Variants in CAST observed in about 807,000 individuals in gnomAD.
CAST encodes MIR583 host.
A neutral mutation model predicts 119.6 loss-of-function variants in CAST; 76 were observed. That is an observed-to-expected ratio of 0.64 (90% CI 0.53 to 0.77). CAST has a LOEUF of 0.77. Among genes scored for constraint, CAST ranks in the 30% least tolerant of loss-of-function variants. CAST has a pLI of 0.00. For missense variants in CAST, 953 were observed against 946.5 expected (o/e 1.01, Z -0.09); for synonymous variants, 319 against 331.6 (o/e 0.96, Z 0.41).
chr5:95,995,520 C>T, the CAST span, among the ~76,000 whole-genome samples: 2 of 151,828 alleles, frequency 1.3e-5, no homozygotes, highest in Admixed American at 6.6e-5. Context: ...ATTTGAATAC[C>T]GCTGAAATTT....
chr5:96,090,930 T>C, the CAST span, among the ~76,000 whole-genome samples: 1 of 152,118 alleles, frequency 6.6e-6, no homozygotes, highest in African/African-American at 2.4e-5. Flanking sequence ...TCTTCTGAGC[T>C]CTAGTGAGAG....
At chr5:96,139,124 C>T in the CAST span, among the ~76,000 whole-genome samples, 1 of 151,986 alleles carries the variant, frequency 6.6e-6, no homozygotes, top group Non-Finnish European at 1.5e-5. Context: ...TGTATGTCAT[C>T]TATTTTGCAA....
the CAST span, among the ~76,000 whole-genome samples, chr5:96,438,611 C>T: frequency 6.6e-6 from 1 of 152,066 alleles, no homozygotes; most frequent in African/African-American, 2.4e-5. Context: ...TGGGATTAAA[C>T]ATTTGTAGGA....
chr5:96,370,697 TA>T, the CAST span, among the ~76,000 whole-genome samples: 8 of 151,218 alleles, frequency 5.3e-5, no homozygotes, highest in Non-Finnish European at 1.0e-4. Context: ...TGTAAGTGCC[TA>T]GCCTGCCTGC....
At chr5:96,590,923 A>G (rs1036613172) in intron 1 of CAST, among the ~76,000 whole-genome samples, 1 of 152,252 alleles carries the variant, frequency 6.6e-6, no homozygotes, top group African/African-American at 2.4e-5. Flanking sequence ...CATGCATAGA[A>G]TTGTTCCACA....
the CAST span, among the ~76,000 whole-genome samples, chr5:96,156,960 T>C: frequency 6.6e-6 from 1 of 152,236 alleles, no homozygotes; most frequent in African/African-American, 2.4e-5. Context: ...ACACATTTCC[T>C]ATTAAAATAA....
intron 1 of CAST, among the ~76,000 whole-genome samples, chr5:96,536,039 T>G (rs867090427): frequency 1.1e-4 from 16 of 147,836 alleles, no homozygotes; most frequent in Middle Eastern, 6.8e-3. Flanking sequence ...AGGTTTTTTT[T>G]TTTTTTTTTT....
the CAST span, among the ~76,000 whole-genome samples, chr5:96,515,524 C>T: frequency 5.3e-5 from 8 of 152,082 alleles, no homozygotes; most frequent in East Asian, 3.9e-4. Flanking sequence ...ATCTTCCAGA[C>T]GTCTTTTCTG....
the CAST span, among the ~76,000 whole-genome samples, chr5:96,268,932 G>C: frequency 5.3e-5 from 8 of 152,134 alleles, no homozygotes; most frequent in African/African-American, 1.9e-4. Flanking sequence ...GTTCTCGTGA[G>C]AGTGAGTGAG....
intron 1 of CAST, among the ~76,000 whole-genome samples, chr5:96,563,856 C>T (rs1398371079): frequency 6.6e-6 from 1 of 152,182 alleles, no homozygotes; most frequent in Non-Finnish European, 1.5e-5. Flanking sequence ...AGCATCTGAT[C>T]TGATCTGCAG....
the CAST span, among the ~76,000 whole-genome samples, chr5:96,292,615 G>A: frequency 6.6e-6 from 1 of 152,216 alleles, no homozygotes; most frequent in African/African-American, 2.4e-5. Context: ...AGGTGATTAT[G>A]TTGATTTTGG....
the CAST span, among the ~76,000 whole-genome samples, chr5:96,424,925 T>C: frequency 6.8e-6 from 1 of 147,242 alleles, no homozygotes; most frequent in East Asian, 2.0e-4. Context: ...ATCATGCCAT[T>C]GCACTCCAGC....
At chr5:96,567,551 C>T (rs1746489515) in intron 1 of CAST, among the ~76,000 whole-genome samples, 1 of 152,142 alleles carries the variant, frequency 6.6e-6, no homozygotes, top group Non-Finnish European at 1.5e-5. Flanking sequence ...TAAAGGTGTT[C>T]TCTGAGGGGC....
chr5:96,444,188 T>G, the CAST span, among the ~76,000 whole-genome samples: 1 of 152,218 alleles, frequency 6.6e-6, no homozygotes, highest in East Asian at 1.9e-4. Flanking sequence ...GGGCATTCTT[T>G]GCACTAGTCT....
chr5:96,429,772 A>G, the CAST span, among the ~76,000 whole-genome samples: 20 of 152,286 alleles, frequency 1.3e-4, no homozygotes, highest in South Asian at 4.1e-3. Context: ...CACATTCTTC[A>G]TGAAGAAGGC....
chr5:96,746,722 G>A (rs1479549004), intron 17 of CAST, among the ~76,000 whole-genome samples: 1 of 152,172 alleles, frequency 6.6e-6, no homozygotes, highest in Non-Finnish European at 1.5e-5. Context: ...ACAATTTGGG[G>A]ATAATTTCTT....
chr5:96,730,915 T>C (rs1037885196), intron 9 of CAST, 55 bp downstream of exon 9: 1 of 1,314,012 alleles, frequency 7.6e-7, no homozygotes, highest in African/African-American at 1.4e-5. Flanking sequence ...CAAGTTTCTT[T>C]TATGAGAAAC....
the CAST span, among the ~76,000 whole-genome samples, chr5:96,333,947 T>G: frequency 3.2e-4 from 48 of 152,294 alleles, 1 homozygote; most frequent in South Asian, 7.5e-3. Context: ...CAACATTCTT[T>G]GAGTTCGTAA....
Position 96,772,847 on chromosome 5 carries a change from T to C in CAST, c.*231T>C, listed in dbSNP as rs1416209590. 1 of 153,154 alleles carries C rather than the reference T, an allele frequency of 6.5e-6. No individual in the cohort carries two copies. Among genetic ancestry groups the C allele is most frequent in the East Asian group, 1.9e-4 (1 of 5,340 alleles). The allele number at this position is 153,154 out of a possible 1,614,324, so 9.5% of individuals were successfully genotyped here. A position where few individuals can be genotyped will look rare whatever the true frequency, so the allele number is the denominator to read the frequency against. The stretch of plus-strand genomic sequence containing the variant: ...TACTGAGTATTGATAAACTTTGAAT[T>C]TTTTTAATTGCCTTCAATTGGGAGA... On this transcript the variant is annotated 3_prime_UTR_variant, in exon 32 of 32. Coordinates refer to ENST00000675179, the MANE Select transcript of CAST (RefSeq NM_001750.7).
Sources: allele counts gnomAD v4.1 joint callset (sites outside exome capture counted in the v4.1 genomes callset), GRCh38; gene constraint gnomAD v4.1.1; transcripts MANE v1.5; gene names NCBI Gene and HGNC (gene_info 2026-07-23, HGNC 2026-07-21).